Variants in SPIDR observed in about 807,000 individuals in gnomAD.
The protein encoded by SPIDR is DNA repair-scaffolding protein.
Under a neutral mutation model 104.6 loss-of-function variants are expected in SPIDR, and 93 were observed. That is an observed-to-expected ratio of 0.89 (90% CI 0.75 to 1.06). The LOEUF (loss-of-function observed/expected upper bound fraction) is 1.06. Ranked by LOEUF, SPIDR falls within the 50% of genes least tolerant of loss-of-function variation. The probability of loss-of-function intolerance (pLI) is 0.00; values close to 1 mark genes in which losing one functional copy is unlikely to be tolerated. For synonymous variants in SPIDR, 431 were observed against 416.9 expected (o/e 1.03, Z -0.41); for missense variants, 1,154 against 1,111.2 (o/e 1.04, Z -0.55).
At chr8:47,358,875 A>G (rs1413798532) in intron 5 of SPIDR, among the ~76,000 whole-genome samples, 1 of 152,186 alleles carries the variant, frequency 6.6e-6, no homozygotes, top group Non-Finnish European at 1.5e-5. Flanking sequence ...ATTGCAGCAC[A>G]AATAAATCTC....
At chr8:47,282,271 C>G (rs1242335971) in intron 2 of SPIDR, among the ~76,000 whole-genome samples, 2 of 152,176 alleles carry the variant, frequency 1.3e-5, no homozygotes, top group African/African-American at 4.8e-5. Context: ...TTGCATTAGC[C>G]CCTAATATGA....
chr8:47,443,775 T>G (rs1422394835), intron 8 of SPIDR, among the ~76,000 whole-genome samples: 1 of 151,956 alleles, frequency 6.6e-6, no homozygotes, highest in African/African-American at 2.4e-5. Flanking sequence ...GCACAGTTTT[T>G]TAAAAGAATC....
chr8:47,440,451 C>A lies in SPIDR; in HGVS notation c.1006C>A (p.Pro336Thr). The change falls in exon 8 of 20, where the codon CCT (proline) becomes ACT (threonine). Residue 336 changes from proline to threonine, a missense_variant. Physicochemically the swap from Pro to Thr is conservative, Grantham distance 38. Transcript: ENST00000297423. ...CTCCTCCCAAAGTGTGGCTCCCAGG[C>A]CTGGAGCTGGCCTGAAAGTTCTCTT... is the stretch of plus-strand genomic sequence containing the variant. ...TSSSQSVAPR[P>T]GAGLKVLFTK... 2 of 1,614,188 alleles carry A rather than the reference C, an allele frequency of 1.2e-6. No homozygotes were observed. Among genetic ancestry groups the A allele is most frequent in the Non-Finnish European group, 1.7e-6 (2 of 1,180,030 alleles).
chr8:47,540,462 A>G (rs2087874811), intron 8 of SPIDR, among the ~76,000 whole-genome samples: 1 of 152,254 alleles, frequency 6.6e-6, no homozygotes, highest in South Asian at 2.1e-4. Flanking sequence ...CAAAAAATAT[A>G]TAATTGCAAA....
chr8:47,431,185 C>T (rs1194142275), intron 7 of SPIDR, among the ~76,000 whole-genome samples: 2 of 152,150 alleles, frequency 1.3e-5, no homozygotes, highest in Non-Finnish European at 1.5e-5. Flanking sequence ...GAGCCTTTCC[C>T]GTGTGTGTGC....
chr8:47,448,778 G>C (rs2071165766), intron 8 of SPIDR, among the ~76,000 whole-genome samples: 1 of 152,136 alleles, frequency 6.6e-6, no homozygotes, highest in Non-Finnish European at 1.5e-5. Context: ...GGCTATGTTA[G>C]AAAGAAGCAG....
chr8:47,432,232 T>G (rs1244857578), intron 7 of SPIDR, among the ~76,000 whole-genome samples: 1 of 152,218 alleles, frequency 6.6e-6, no homozygotes, highest in African/African-American at 2.4e-5. Flanking sequence ...AATTAAGTTT[T>G]TAGTGCATGT....
intron 5 of SPIDR, among the ~76,000 whole-genome samples, chr8:47,305,500 AACT>A (rs2042944337): frequency 6.6e-6 from 1 of 152,246 alleles, no homozygotes; most frequent in East Asian, 1.9e-4. Context: ...ATGATTCAGT[AACT>A]CATAGAAGAT....
At position 47,668,860 on chromosome 8, in the gene SPIDR, A is replaced by G. The variant is rs373939454; in HGVS notation, c.1545-4941A>G. 1.2e-4 allele frequency among the ~76,000 whole-genome samples: 18 copies of G among 152,344 alleles called. No individual in the cohort carries two copies. The South Asian group carries it at 1.2e-3, about 11-fold the overall frequency. On this transcript the variant is annotated intron_variant, in intron 10 of 19. Coordinates refer to ENST00000297423, the MANE Select transcript of SPIDR (RefSeq NM_001080394.4). ...CATTTAAAATAGAACACAAAACCAT[A>G]GACAGTCTAGGCGTAGATCTAACAA...
chr8:47,657,883 T>C (rs2073149580), intron 10 of SPIDR, among the ~76,000 whole-genome samples: 1 of 151,500 alleles, frequency 6.6e-6, no homozygotes, highest in Non-Finnish European at 1.5e-5. Flanking sequence ...TTTAAAAATT[T>C]AGCTGGACAC....
intron 8 of SPIDR, among the ~76,000 whole-genome samples, chr8:47,552,251 A>T (rs1587644175): frequency 6.6e-6 from 1 of 152,142 alleles, no homozygotes; most frequent in East Asian, 1.9e-4. Context: ...TAATCTGTTG[A>T]TTTTGGGTGG....
intron 5 of SPIDR, among the ~76,000 whole-genome samples, chr8:47,340,261 T>C (rs940169873): frequency 3.9e-5 from 6 of 152,158 alleles, no homozygotes; most frequent in Non-Finnish European, 8.8e-5. Context: ...GATATAACCG[T>C]GGGACTCGAA....
intron 10 of SPIDR, among the ~76,000 whole-genome samples, chr8:47,654,597 A>G (rs1192949519): frequency 6.6e-6 from 1 of 152,228 alleles, no homozygotes. Context: ...AGATGCACTC[A>G]TATAACACTT....
intron 10 of SPIDR, among the ~76,000 whole-genome samples, chr8:47,671,185 C>G (rs2075746140): frequency 6.6e-6 from 1 of 152,198 alleles, no homozygotes. Flanking sequence ...GCTGGGATTA[C>G]AGGTGTCAAC....
At chr8:47,483,778 T>C (rs2077187821) in intron 8 of SPIDR, among the ~76,000 whole-genome samples, 2 of 152,158 alleles carry the variant, frequency 1.3e-5, no homozygotes, top group African/African-American at 4.8e-5. Flanking sequence ...TCAGGTTCAT[T>C]ATGGTTGTGA....
At chr8:47,592,296 T>G (rs2061120178) in intron 8 of SPIDR, 1 of 1,102,934 alleles carries the variant, frequency 9.1e-7, no homozygotes, top group Admixed American at 1.7e-5. Context: ...AGCAGAACTG[T>G]GTGCGGATCT....
In SPIDR at chr8:47,713,497, G is replaced by A; in HGVS notation, c.2197G>A (p.Val733Ile). ...AGTGTCTCTGTCGGCAGGTCGGATT[G>A]TTTGTGCTGAACGAACTGTCCTCTT... ...KDALRDQGRIVCAERTVLLLQ... is the reference protein window; with the variant it reads ...KDALRDQGRIICAERTVLLLQ... Residue 733 changes from valine to isoleucine, a missense_variant, in exon 16 of 20, where the codon GTT (valine) becomes ATT (isoleucine). By Grantham distance (29) the Val-to-Ile change is conservative. Coordinates refer to ENST00000297423, the MANE Select transcript of SPIDR (RefSeq NM_001080394.4). 6.2e-7 allele frequency: 1 copy of A among 1,614,146 alleles called. No homozygotes were observed. Among genetic ancestry groups the A allele is most frequent in the Middle Eastern group, 1.7e-4 (1 of 6,060 alleles).
intron 10 of SPIDR, among the ~76,000 whole-genome samples, chr8:47,639,804 C>T (rs373146923): frequency 1.5e-4 from 23 of 151,874 alleles, no homozygotes; most frequent in African/African-American, 4.8e-4. Flanking sequence ...AAAAATTAGC[C>T]GGGCTTGATG....
intron 5 of SPIDR, among the ~76,000 whole-genome samples, chr8:47,312,799 G>A (rs2044468704): frequency 1.3e-5 from 2 of 152,150 alleles, no homozygotes; most frequent in Admixed American, 6.5e-5. Context: ...CCTTCCCCAT[G>A]CCTATGTCCT....
Sources: allele counts gnomAD v4.1 joint callset (sites outside exome capture counted in the v4.1 genomes callset), GRCh38; gene constraint gnomAD v4.1.1; transcripts MANE v1.5; gene names NCBI Gene and HGNC (gene_info 2026-07-23, HGNC 2026-07-21).